Variants in LRRC8C observed in about 807,000 individuals in gnomAD.
LRRC8C encodes volume-regulated anion channel subunit LRRC8C.
A neutral mutation model predicts 55.3 loss-of-function variants in LRRC8C; 20 were observed. The ratio of observed to expected loss-of-function variants is 0.36; its 90% CI spans 0.25 to 0.53. LRRC8C has a LOEUF of 0.53. Ranked by LOEUF, LRRC8C falls within the 20% of genes least tolerant of loss-of-function variation. The probability of loss-of-function intolerance (pLI) is 0.92; values close to 1 mark genes in which losing one functional copy is unlikely to be tolerated. For synonymous variants in LRRC8C, 376 were observed against 360.7 expected (o/e 1.04, Z -0.48); for missense variants, 659 against 951.4 (o/e 0.69, Z 4.04).
At chr1:89,638,692 A>G (rs917965850) in intron 1 of LRRC8C, among the ~76,000 whole-genome samples, 1 of 152,180 alleles carries the variant, frequency 6.6e-6, no homozygotes, top group Non-Finnish European at 1.5e-5. Context: ...TGAAACTTAC[A>G]TGTAAAAATG....
chr1:89,637,507 G>A (rs1447554374), intron 1 of LRRC8C, among the ~76,000 whole-genome samples: 2 of 151,532 alleles, frequency 1.3e-5, no homozygotes, highest in Non-Finnish European at 2.9e-5. Context: ...AAATGGAAGA[G>A]GTAAAATAAA....
chr1:89,632,258 A>G (rs1461728330), upstream of LRRC8C: 1 of 152,012 alleles, frequency 6.6e-6, no homozygotes, highest in Admixed American at 6.6e-5. Flanking sequence ...GTTCAGATCA[A>G]TCAATGAGAG....
chr1:89,656,708 C>T (rs1656952304), intron 1 of LRRC8C, among the ~76,000 whole-genome samples: 2 of 152,136 alleles, frequency 1.3e-5, no homozygotes, highest in Non-Finnish European at 1.5e-5. Flanking sequence ...TTCAAGAGGA[C>T]ACCACAATTT....
chr1:89,703,877 A>G (rs1277853410), intron 2 of LRRC8C, among the ~76,000 whole-genome samples: 3 of 152,130 alleles, frequency 2.0e-5, no homozygotes, highest in African/African-American at 7.2e-5. Context: ...TGAGTGAGCA[A>G]AATAATGGAT....
rs927200003 is a variant in LRRC8C, at chr1:89,716,602, A to G, written c.*1620A>G. 1 of 152,326 alleles carries G rather than the reference A, an allele frequency of 6.6e-6. No individual in the cohort carries two copies. The highest frequency in any genetic ancestry group is 3.4e-3 in the Middle Eastern group (1 of 294). 9.4% of individuals were successfully genotyped at this position (152,326 alleles called of 1,614,324 possible). ...AGCATGTAGAACAGGAAAATGAAAT[A>G]CACTATTTGTGCCCTTGACCTAGAA... On this transcript the variant is annotated 3_prime_UTR_variant, in exon 3 of 3. Coordinates refer to ENST00000370454, the MANE Select transcript of LRRC8C (RefSeq NM_032270.5).
intron 1 of LRRC8C, among the ~76,000 whole-genome samples, chr1:89,643,077 T>C (rs1430292308): frequency 6.6e-6 from 1 of 150,956 alleles, no homozygotes; most frequent in African/African-American, 2.4e-5. Flanking sequence ...AAGGAGGATA[T>C]ATTCTATTCT....
At chr1:89,697,736 G>A (rs1470177070) in intron 2 of LRRC8C, among the ~76,000 whole-genome samples, 2 of 152,096 alleles carry the variant, frequency 1.3e-5, no homozygotes, top group Admixed American at 6.5e-5. Context: ...CCATGAAGCA[G>A]AATGAGAAGA....
At chr1:89,659,061 T>TTTTGTGTG (rs1294718324) in intron 1 of LRRC8C, among the ~76,000 whole-genome samples, 1 of 53,982 alleles carries the variant, frequency 1.9e-5, no homozygotes, top group African/African-American at 6.3e-5. Context: ...TTTTTTTTTT[T>TTTTGTGTG]TGTGTGTGTG....
chr1:89,680,368 T>C (rs898146702), intron 1 of LRRC8C, among the ~76,000 whole-genome samples: 3 of 151,258 alleles, frequency 2.0e-5, no homozygotes, highest in African/African-American at 4.9e-5. Context: ...TGAGCCACCG[T>C]GCCCGGCCAA....
At chr1:89,668,694 A>G (rs556873396) in intron 1 of LRRC8C, among the ~76,000 whole-genome samples, 9 of 152,180 alleles carry the variant, frequency 5.9e-5, no homozygotes, top group Non-Finnish European at 1.2e-4. Flanking sequence ...AATTTTTGCT[A>G]TGCCCTTCAC....
intron 2 of LRRC8C, chr1:89,706,476 T>TG: frequency 2.7e-6 from 1 of 375,606 alleles, no homozygotes; most frequent in Non-Finnish European, 5.2e-6. Flanking sequence ...GTCTTAATGA[T>TG]TCTAACAAAG....
chr1:89,700,594 T>A (rs905002235), intron 2 of LRRC8C, among the ~76,000 whole-genome samples: 14 of 152,232 alleles, frequency 9.2e-5, no homozygotes, highest in Admixed American at 7.2e-4. Context: ...CTCTGAACAA[T>A]CCCTGGAGAA....
intron 1 of LRRC8C, among the ~76,000 whole-genome samples, chr1:89,638,195 G>A (rs1277283132): frequency 1.3e-5 from 2 of 152,172 alleles, no homozygotes; most frequent in Non-Finnish European, 2.9e-5. Flanking sequence ...TTCCATACCA[G>A]AAGAGGTTGT....
At chr1:89,684,314 A>T (rs1657810731) in intron 1 of LRRC8C, among the ~76,000 whole-genome samples, 1 of 152,224 alleles carries the variant, frequency 6.6e-6, no homozygotes, top group Non-Finnish European at 1.5e-5. Context: ...TATGGAGGAG[A>T]CAACAACCAA....
At chr1:89,710,393 G>A (rs950834447) in intron 2 of LRRC8C, among the ~76,000 whole-genome samples, 1 of 152,012 alleles carries the variant, frequency 6.6e-6, no homozygotes, top group African/African-American at 2.4e-5. Context: ...TGAAATAAAA[G>A]TGAAAACTTT....
At position 89,713,019 on chromosome 1, in the gene LRRC8C, G is replaced by C; in HGVS notation, c.449G>C (p.Gly150Ala). Reference sequence around the variant, plus strand: ...AGTAACTTTTGGTTCAAATTCCCTGGTTCCAGCTCCAAAATAGAACATTTC... The same window carrying C: ...AGTAACTTTTGGTTCAAATTCCCTGCTTCCAGCTCCAAAATAGAACATTTC... The part of the protein sequence containing the change: ...LCSNFWFKFP[G>A]SSSKIEHFIS... Residue 150 changes from glycine (G) to alanine (A), a missense_variant, in exon 3 of 3, where the codon GGT becomes GCT. By Grantham distance (60) the Gly-to-Ala change is moderately conservative. This residue lies in a region of LRRC8C where 200 missense variants were observed against 360.5 expected (regional missense o/e 0.55). Coordinates refer to ENST00000370454, the MANE Select transcript of LRRC8C (RefSeq NM_032270.5). The surrounding 1 kb of genome is among the most constrained non-coding windows in gnomAD (Gnocchi z 5.2). 1 of 1,614,124 alleles carries C rather than the reference G, an allele frequency of 6.2e-7. No individual in the cohort carries two copies. The highest frequency in any genetic ancestry group is 1.1e-5 in the South Asian group (1 of 91,078).
In LRRC8C at chr1:89,659,061, TTGTGTGTGTGTGTG is replaced by T. The variant is rs71084956; in HGVS notation, c.-5+25773_-5+25786del. Among the ~76,000 whole-genome samples, 74 of 53,982 alleles carry T rather than the reference TTGTGTGTGTGTGTG, an allele frequency of 1.4e-3. 3 individuals are homozygous for T. In the East Asian group the frequency reaches 0.015, roughly 11 times the overall value. 35.4% of individuals were successfully genotyped at this position (53,982 alleles called of 152,430 possible). A position where few individuals can be genotyped will look rare whatever the true frequency, so the allele number is the denominator to read the frequency against. The stretch of plus-strand genomic sequence containing the variant: ...TGTCTTCTCCAGGTTTTTTTTTTTT[TTGTGTGTGTGTGTG>T]TGTGTGTGTGTGTGTGTGTGTGTGT... On this transcript the variant is annotated intron_variant, in intron 1 of 2. Coordinates refer to ENST00000370454, the MANE Select transcript of LRRC8C (RefSeq NM_032270.5).
intron 2 of LRRC8C, among the ~76,000 whole-genome samples, chr1:89,702,553 G>T (rs780238878): frequency 2.2e-4 from 33 of 151,640 alleles, no homozygotes; most frequent in Non-Finnish European, 3.8e-4. Flanking sequence ...TGGGCAACAT[G>T]GCAAGACCCT....
chr1:89,682,128 G>A (rs1242033445), intron 1 of LRRC8C, among the ~76,000 whole-genome samples: 2 of 152,190 alleles, frequency 1.3e-5, no homozygotes, highest in African/African-American at 4.8e-5. Context: ...AGTGAGCCGA[G>A]ATCGCGCCAT....
Sources: allele counts gnomAD v4.1 joint callset (sites outside exome capture counted in the v4.1 genomes callset), GRCh38; gene constraint gnomAD v4.1.1; regional missense constraint gnomAD v4.1.1; non-coding constraint Gnocchi (gnomAD v3.1); transcripts MANE v1.5; gene names NCBI Gene and HGNC (gene_info 2026-07-23, HGNC 2026-07-21).